Variants in OR2L3 observed in about 807,000 individuals in gnomAD.
The protein encoded by OR2L3 is olfactory receptor family 2 subfamily L member 3, also known as olfactory receptor 2L3.
For missense variants in OR2L3, 369 were observed against 376.6 expected, an observed-to-expected ratio of 0.98 and a Z score of 0.17; for synonymous variants, 131 against 139.1, an observed-to-expected ratio of 0.94 and a Z score of 0.41.
chr1:248,063,071 T>A lies in OR2L3; in HGVS notation c.*1451T>A, dbSNP rs1434554147. The A allele has an allele frequency of 6.6e-6, 1 of 152,246 alleles. No homozygotes were observed. The highest frequency in any genetic ancestry group is 2.4e-5 in the African/African-American group (1 of 41,462). 9.4% of individuals were successfully genotyped at this position (152,246 alleles called of 1,614,324 possible). On this transcript the variant is annotated 3_prime_UTR_variant, in exon 2 of 2. Transcript: ENST00000359959. ...TCTTTTTATTCTACAGTGCTTTGAC[T>A]ATTTGGGTTCTTTAATAGTTCCATA...
rs1409326009 is a variant in OR2L3 at position 248,061,073 on chromosome 1, A to G, written c.392A>G (p.Tyr131Cys). 1.2e-6 allele frequency: 2 copies of G among 1,613,882 alleles called. No individual in the cohort carries two copies. The highest frequency in any genetic ancestry group is 1.7e-6 in the Non-Finnish European group (2 of 1,180,012). The change falls in exon 2 of 2, where the codon TAT becomes TGT. Residue 131 changes from tyrosine (Y) to cysteine (C), a missense_variant. Tyr to Cys is a radical substitution (Grantham distance 194, BLOSUM62 -2). Transcript: ENST00000359959. ...RYIAICFPLH[Y>C]PIRMSKRMCV... is the part of the protein sequence containing the mutation. ...ATTGCTATTTGCTTTCCTCTTCACTATCCCATCCGCATGAGCAAAAGAATG... is the reference window on the plus strand; with the variant it reads ...ATTGCTATTTGCTTTCCTCTTCACTGTCCCATCCGCATGAGCAAAAGAATG...
At chr1:248,060,463 TAA>T (rs371220904) in intron 1 of OR2L3, among the ~76,000 whole-genome samples, 196 bp from the exon 2 acceptor site, 102 of 152,318 alleles carry the variant, frequency 6.7e-4, no homozygotes, top group African/African-American at 2.3e-3. Flanking sequence ...TATTTTATTA[TAA>T]GTTACTCTTG....
At chr1:248,054,678 C>A (rs1376648756) in intron 1 of OR2L3, among the ~76,000 whole-genome samples, 1 of 151,990 alleles carries the variant, frequency 6.6e-6, no homozygotes. Context: ...GCTGTATTCC[C>A]AGGTATTTTA....
At position 248,060,833 on chromosome 1, in the gene OR2L3, A is replaced by G. The variant is rs753493455; in HGVS notation, c.152A>G (p.Asp51Gly). Residue 51 changes from aspartate to glycine, a missense_variant, in exon 2 of 2, where the codon GAC becomes GGC. Asp to Gly is a moderately conservative substitution (Grantham distance 94, BLOSUM62 -1). Transcript: ENST00000359959. ...NLSMILLIFLDTHLHTPMYFL... is the reference protein window; with the variant it reads ...NLSMILLIFLGTHLHTPMYFL... Reference sequence around the variant, plus strand: ...TCCATGATTCTTCTCATCTTCTTGGACACCCATCTCCACACACCCATGTAT... The same window carrying G: ...TCCATGATTCTTCTCATCTTCTTGGGCACCCATCTCCACACACCCATGTAT... The G allele has an allele frequency of 3.7e-6, 6 of 1,613,752 alleles. No individual in the cohort carries two copies. The highest frequency in any genetic ancestry group is 2.2e-5 in the East Asian group (1 of 44,882).
At chr1:248,049,764 C>T (rs1301184091) in intron 1 of OR2L3, among the ~76,000 whole-genome samples, 1 of 151,968 alleles carries the variant, frequency 6.6e-6, no homozygotes, top group African/African-American at 2.4e-5. Context: ...TTTGTTTTGA[C>T]TGATTAAAAA....
intron 1 of OR2L3, among the ~76,000 whole-genome samples, chr1:248,057,303 A>C (rs1456164322): frequency 6.6e-6 from 1 of 152,148 alleles, no homozygotes; most frequent in African/African-American, 2.4e-5. Flanking sequence ...AACTTGTTTT[A>C]TGAATCTGGA....
At chr1:248,048,340 A>G (rs1663147270) in intron 1 of OR2L3, among the ~76,000 whole-genome samples, 1 of 152,236 alleles carries the variant, frequency 6.6e-6, no homozygotes, top group Non-Finnish European at 1.5e-5. Context: ...TTGTGTAAAT[A>G]TTAAATAAGA....
intron 1 of OR2L3, among the ~76,000 whole-genome samples, chr1:248,050,466 A>C (rs1663228521): frequency 6.6e-6 from 1 of 152,082 alleles, no homozygotes; most frequent in Non-Finnish European, 1.5e-5. Flanking sequence ...ACCAGCCTTT[A>C]ATTTTATTTA....
intron 1 of OR2L3, among the ~76,000 whole-genome samples, chr1:248,055,616 G>A (rs1274625899): frequency 6.6e-6 from 1 of 152,160 alleles, no homozygotes; most frequent in Non-Finnish European, 1.5e-5. Flanking sequence ...AATTAGCCAG[G>A]CATGGTGTTG....
intron 1 of OR2L3, among the ~76,000 whole-genome samples, chr1:248,053,064 A>G (rs1480869938): frequency 6.6e-6 from 1 of 152,062 alleles, no homozygotes; most frequent in Non-Finnish European, 1.5e-5. Flanking sequence ...CTAGGTATTA[A>G]GCCCAGCATG....
chr1:248,047,645 G>A (rs1663121243), intron 1 of OR2L3, among the ~76,000 whole-genome samples: 1 of 152,130 alleles, frequency 6.6e-6, no homozygotes, highest in Non-Finnish European at 1.5e-5. Flanking sequence ...CGGGACACAA[G>A]GTAAACTTCC....
In OR2L3 at chr1:248,061,185, C is replaced by A; in HGVS notation, c.504C>A (p.Cys168Ter). 1 of 1,612,642 alleles carries A rather than the reference C, an allele frequency of 6.2e-7. No homozygotes were observed. Among genetic ancestry groups the A allele is most frequent in the South Asian group, 1.1e-5 (1 of 91,042 alleles). ...HTVYVLHIPY[C>*]QSRAINHFFC... The stretch of plus-strand genomic sequence containing the variant: ...TATATGTACTCCATATTCCTTATTG[C>A]CAATCCAGGGCCATCAATCATTTCT... Residue 168 changes from cysteine (C) to a stop codon, truncating the protein, a stop_gained, in exon 2 of 2, where the codon TGC becomes TGA. Transcript: ENST00000359959. LOFTEE classifies it low-confidence loss of function (END_TRUNC).
chr1:248,051,292 T>C (rs1663257398), intron 1 of OR2L3: 1 of 152,196 alleles, frequency 6.6e-6, no homozygotes, highest in Admixed American at 6.5e-5. Context: ...TTATTTCACT[T>C]AGCATAATGT....
intron 1 of OR2L3, among the ~76,000 whole-genome samples, chr1:248,052,787 A>G (rs1663312028): frequency 6.6e-6 from 1 of 152,096 alleles, no homozygotes; most frequent in Admixed American, 6.6e-5. Context: ...TTTTCCAAAA[A>G]AGTCAAGATT....
chr1:248,051,113 A>G (rs1315957686), intron 1 of OR2L3: 1 of 152,152 alleles, frequency 6.6e-6, no homozygotes, highest in East Asian at 1.9e-4. Context: ...CTCCAAAACA[A>G]TTTCATTGTC....
chr1:248,062,665 GTAAC>G lies in OR2L3; in HGVS notation c.*1048_*1051del, dbSNP rs1346471654. ...TAAGAGTATTTGATAGCACAATAGA[GTAAC>G]TATAGTAAACAATAATTTATTGTAG... is the stretch of plus-strand genomic sequence containing the variant. On this transcript the variant is annotated 3_prime_UTR_variant, in exon 2 of 2. Transcript: ENST00000359959. 6.6e-6 allele frequency: 1 copy of G among 152,016 alleles called. No individual in the cohort carries two copies. Among genetic ancestry groups the G allele is most frequent in the Non-Finnish European group, 1.5e-5 (1 of 68,026 alleles). The allele number at this position is 152,016 out of a possible 1,614,324, so 9.4% of individuals were successfully genotyped here. A position where few individuals can be genotyped will look rare whatever the true frequency, so the allele number is the denominator to read the frequency against.
Position 248,060,993 on chromosome 1 carries a change from G to T in OR2L3, c.312G>T (p.Ser104=). The T allele has an allele frequency of 1.2e-6, 2 of 1,613,918 alleles. No individual in the cohort carries two copies. Among genetic ancestry groups the T allele is most frequent in the Non-Finnish European group, 1.7e-6 (2 of 1,179,968 alleles). ...GTGGGATTCAGAGTTTCTTCTTCTC[G>T]GCATTAGGAGGTGCAGAAGCACTAC... ...TGCGIQSFFF[S]ALGGAEALLL... The change falls in exon 2 of 2, where the codon TCG becomes TCT. Residue 104 remains serine (S), a synonymous_variant. Coordinates refer to ENST00000359959, the MANE Select transcript of OR2L3 (RefSeq NM_001004687.2).
intron 1 of OR2L3, among the ~76,000 whole-genome samples, chr1:248,050,776 T>C (rs1008549485): frequency 7.2e-5 from 11 of 152,180 alleles, no homozygotes; most frequent in African/African-American, 2.4e-4. Flanking sequence ...GTAATATAAA[T>C]TACGGAGTAT....
At position 248,061,415 on chromosome 1, in the gene OR2L3, C is replaced by T. The variant is rs1197040692; in HGVS notation, c.734C>T (p.Thr245Ile). ...TACCTGACCTGCAGCACCCACCTCA[C>T]TGTAGTAACTTTCTACTATGCACCT... Reference protein sequence around the residue: ...KAYLTCSTHLTVVTFYYAPFV... With the variant: ...KAYLTCSTHLIVVTFYYAPFV... The change falls in exon 2 of 2, where the codon ACT becomes ATT. Residue 245 changes from threonine to isoleucine, a missense_variant. Transcript: ENST00000359959. 1 of 1,614,140 alleles carries T rather than the reference C, an allele frequency of 6.2e-7. No homozygotes were observed. Among genetic ancestry groups the T allele is most frequent in the Non-Finnish European group, 8.5e-7 (1 of 1,180,018 alleles).
Sources: gnomAD v4.1 joint callset for allele counts (sites outside exome capture counted in the v4.1 genomes callset) on GRCh38, gnomAD v4.1.1 for gene constraint, MANE v1.5 for transcripts, NCBI Gene and HGNC (gene_info 2026-07-23, HGNC 2026-07-21) for gene names.